TBC1D8: variants seen among roughly 807,000 people sequenced by gnomAD.
The protein encoded by TBC1D8 is TBC1 domain family member 8, also known as BUB2-like protein 1.
A neutral mutation model predicts 118.8 loss-of-function variants in TBC1D8; 65 were observed. That is an observed-to-expected ratio of 0.55 (90% confidence interval 0.45 to 0.67). TBC1D8 has a LOEUF of 0.67. TBC1D8 is among the 30% of genes least tolerant of loss of function. TBC1D8 has a pLI of 0.00. For synonymous variants in TBC1D8, 566 were observed against 595.8 expected, an observed-to-expected ratio of 0.95 and a Z score of 0.73; for missense variants, 1,376 against 1,471.2, an observed-to-expected ratio of 0.94 and a Z score of 1.06.
rs34465252 is a variant in TBC1D8, at chr2:101,054,672, C to CTTTTTTTTTTTTTTTTTTTTTTTTTTTT, written c.403-337_403-336insAAAAAAAAAAAAAAAAAAAAAAAAAAAA. 3.5e-4 allele frequency among the ~76,000 whole-genome samples: 9 copies of CTTTTTTTTTTTTTTTTTTTTTTTTTTTT among 25,434 alleles called. 1 individual carries two copies. In the East Asian group the frequency reaches 4.6e-3, roughly 13 times the overall value. 16.7% of individuals were successfully genotyped at this position (25,434 alleles called of 152,430 possible). A position where few individuals can be genotyped will look rare whatever the true frequency, so the allele number is the denominator to read the frequency against. On this transcript the variant is annotated intron_variant, in intron 3 of 19. Coordinates refer to ENST00000409318, the MANE Select transcript of TBC1D8 (RefSeq NM_001330348.2). ...ACAAACAATCATTTTCTTTTCTTTT[C>CTTTTTTTTTTTTTTTTTTTTTTTTTTTT]TTTTTTTTTTTTTTTTTTTTTTTTT...
At chr2:101,089,554 C>T (rs1675875927) in intron 2 of TBC1D8, among the ~76,000 whole-genome samples, 1 of 151,956 alleles carries the variant, frequency 6.6e-6, no homozygotes, top group African/African-American at 2.4e-5. Context: ...GAACAGAAAC[C>T]CCAGAAGGAG....
At chr2:101,044,197 G>A (rs1259871104) in intron 5 of TBC1D8, among the ~76,000 whole-genome samples, 1 of 152,150 alleles carries the variant, frequency 6.6e-6, no homozygotes, top group Non-Finnish European at 1.5e-5. Context: ...AGCAACAGGG[G>A]GGACTTTCCT....
chr2:101,054,380 G>T, intron 3 of TBC1D8, 44 bp from the exon 4 acceptor site: 1 of 1,541,540 alleles, frequency 6.5e-7, no homozygotes, highest in South Asian at 1.2e-5. Context: ...AGCCAGCAAT[G>T]GGAAGGCAGG....
rs561738510 is a variant in TBC1D8, at chr2:101,111,916, T to A, written c.128-21552A>T. Among the ~76,000 whole-genome samples the A allele has an allele frequency of 4.0e-4, 58 of 146,614 alleles. No individual in the cohort carries two copies. In the South Asian group the frequency reaches 1.0e-2, roughly 25 times the overall value. On this transcript the variant is annotated intron_variant, in intron 1 of 19. Coordinates refer to ENST00000409318, the MANE Select transcript of TBC1D8 (RefSeq NM_001330348.2). ...AATGTTGTGTACTTGACCATAGTTT[T>A]AAAAAAAAAAAAAAAACCTGTGAAA...
intron 2 of TBC1D8, among the ~76,000 whole-genome samples, chr2:101,072,652 G>A (rs548240622): frequency 5.3e-5 from 8 of 152,194 alleles, no homozygotes; most frequent in South Asian, 4.1e-4. Flanking sequence ...CAGATGCCTC[G>A]CATGCACAGT....
chr2:101,106,062 A>G (rs74563233), intron 1 of TBC1D8, among the ~76,000 whole-genome samples: 1 of 152,198 alleles, frequency 6.6e-6, no homozygotes, highest in Non-Finnish European at 1.5e-5. Context: ...CTATCGAGCC[A>G]TGACTTTTCA....
In TBC1D8 at chr2:101,141,803, GCA is replaced by G. The variant is rs112678254; in HGVS notation, c.127+9322_127+9323del. Among the ~76,000 whole-genome samples the G allele has an allele frequency of 5.8e-3, 822 of 140,744 alleles. 2 individuals are homozygous for G. The highest frequency in any genetic ancestry group is 0.018 in the African/African-American group (692 of 38,008). The allele number at this position is 140,744 out of a possible 152,430, so 92.3% of individuals were successfully genotyped here. ...ACAGAAAAACCACACATGAAGGCGC[GCA>G]CACACACACACACACACACATACAC... On this transcript the variant is annotated intron_variant, in intron 1 of 19. Coordinates refer to ENST00000409318, the MANE Select transcript of TBC1D8 (RefSeq NM_001330348.2).
At chr2:101,108,766 T>A (rs980964036) in intron 1 of TBC1D8, among the ~76,000 whole-genome samples, 72 of 140,914 alleles carry the variant, frequency 5.1e-4, no homozygotes, top group African/African-American at 1.9e-3. Context: ...TATTTTAAGG[T>A]CAGCTGATAA....
At chr2:101,126,534 T>C (rs1240443001) in intron 1 of TBC1D8, among the ~76,000 whole-genome samples, 1 of 151,868 alleles carries the variant, frequency 6.6e-6, no homozygotes. Context: ...GCCTGGCAAA[T>C]AGATGACCAC....
chr2:101,144,674 C>T (rs144244417), intron 1 of TBC1D8, among the ~76,000 whole-genome samples: 6 of 152,192 alleles, frequency 3.9e-5, no homozygotes, highest in African/African-American at 1.4e-4. Context: ...CGGTGGCTCA[C>T]GCCTGTAATC....
At chr2:101,019,261 A>C in intron 17 of TBC1D8, 1 of 437,786 alleles carries the variant, frequency 2.3e-6, no homozygotes, top group South Asian at 6.1e-5. Flanking sequence ...AAGTGAAGAG[A>C]ATTCTTTAGG....
intron 1 of TBC1D8, among the ~76,000 whole-genome samples, chr2:101,102,977 G>A (rs1361062113): frequency 2.0e-5 from 3 of 152,132 alleles, no homozygotes; most frequent in Non-Finnish European, 4.4e-5. Context: ...CCAGAAAACA[G>A]AGCAGAGGGA....
intron 1 of TBC1D8, among the ~76,000 whole-genome samples, chr2:101,097,010 CA>C (rs1020080402): frequency 3.3e-5 from 5 of 151,194 alleles, no homozygotes; most frequent in East Asian, 3.9e-4. Flanking sequence ...AAATAAATGT[CA>C]AAAAAAATTG....
intron 2 of TBC1D8, among the ~76,000 whole-genome samples, chr2:101,070,162 C>T (rs1472604406): frequency 6.6e-6 from 1 of 151,962 alleles, no homozygotes; most frequent in African/African-American, 2.4e-5. Flanking sequence ...GGTGATCTAC[C>T]CGCCTCGACC....
chr2:101,137,191 C>T lies in TBC1D8; in HGVS notation c.127+13936G>A, dbSNP rs186656567. 1.1e-4 allele frequency among the ~76,000 whole-genome samples: 16 copies of T among 151,926 alleles called. 1 individual carries two copies. The highest frequency in any genetic ancestry group is 8.5e-4 in the Admixed American group (13 of 15,266). ...GGGATTACAGGCGTGTGCCACCACG[C>T]CCAGCTAATTTTTGTATTTTTAGTA... On this transcript the variant is annotated intron_variant, in intron 1 of 19. Transcript: ENST00000409318.
intron 2 of TBC1D8, among the ~76,000 whole-genome samples, chr2:101,084,701 G>A (rs1232173935): frequency 6.6e-6 from 1 of 152,064 alleles, no homozygotes; most frequent in Non-Finnish European, 1.5e-5. Flanking sequence ...GAAAAGCTAG[G>A]TGCAGGGAGA....
At chr2:101,082,629 C>T (rs1411338487) in intron 2 of TBC1D8, among the ~76,000 whole-genome samples, 2 of 152,180 alleles carry the variant, frequency 1.3e-5, no homozygotes, top group African/African-American at 4.8e-5. Context: ...CTGCAACATG[C>T]GGGACACTTG....
chr2:101,123,919 G>A (rs962308720), intron 1 of TBC1D8, among the ~76,000 whole-genome samples: 7 of 152,126 alleles, frequency 4.6e-5, no homozygotes, highest in Admixed American at 1.3e-4. Flanking sequence ...ACCAAACCTC[G>A]GTGTTTAGAG....
intron 1 of TBC1D8, among the ~76,000 whole-genome samples, chr2:101,144,721 G>A (rs1348587440): frequency 6.6e-6 from 1 of 152,170 alleles, no homozygotes; most frequent in African/African-American, 2.4e-5. Context: ...CAGATTGCCT[G>A]AGCTCAGGAG....
Sources: gnomAD v4.1 joint callset for allele counts (sites outside exome capture counted in the v4.1 genomes callset) on GRCh38, gnomAD v4.1.1 for gene constraint, MANE v1.5 for transcripts, NCBI Gene and HGNC (gene_info 2026-07-23, HGNC 2026-07-21) for gene names.